GRAMD1A: variants seen among roughly 807,000 people sequenced by gnomAD.
GRAMD1A encodes the protein protein Aster-A.
GRAMD1A carries 50 observed loss-of-function variants against 92.0 expected under a neutral mutation model. The ratio of observed to expected loss-of-function variants is 0.54; its 90% CI spans 0.43 to 0.69. GRAMD1A has a LOEUF of 0.69. GRAMD1A is among the 30% of genes least tolerant of loss of function. The probability of loss-of-function intolerance (pLI) is 0.00; values close to 1 mark genes in which losing one functional copy is unlikely to be tolerated. For synonymous variants in GRAMD1A, 405 were observed against 403.6 expected, an observed-to-expected ratio of 1.00 and a Z score of -0.04; for missense variants, 819 against 978.9, an observed-to-expected ratio of 0.84 and a Z score of 2.18.
chr19:35,021,788 G>C lies in GRAMD1A; in HGVS notation c.1677G>C (p.Leu559=), dbSNP rs767835894. Residue 559 remains leucine (L), a synonymous_variant, in exon 15 of 20, where the codon CTG becomes CTC. Transcript: ENST00000317991. The surrounding 1 kb of genome is among the most constrained non-coding windows in gnomAD (Gnocchi z 5.3). The part of the protein sequence containing the change: ...LSGLRRRKRP[L]SWRAHGDGPQ... ...GCCTGCGGCGGCGGAAGCGGCCCCT[G>C]AGCTGGCGGGCTCACGGGGACGGGC... is the stretch of plus-strand genomic sequence containing the variant. 1.4e-5 allele frequency: 23 copies of C among 1,611,634 alleles called. 1 individual carries two copies. The South Asian group carries it at 2.5e-4, about 18-fold the overall frequency.
At chr19:35,020,007 A>G (rs1261526681) in intron 13 of GRAMD1A, among the ~76,000 whole-genome samples, 1 of 151,252 alleles carries the variant, frequency 6.6e-6, no homozygotes, top group Non-Finnish European at 1.5e-5. Flanking sequence ...AGAGCAACTC[A>G]TTTGGGACAG....
intron 10 of GRAMD1A, 73 bp from the exon 11 acceptor site, chr19:35,015,751 G>C (rs1377076311): frequency 3.4e-6 from 5 of 1,459,912 alleles, no homozygotes; most frequent in Non-Finnish European, 4.7e-6. Flanking sequence ...AGGCCTGGGA[G>C]TGGGGAGGCG....
In GRAMD1A at chr19:35,023,362, G is replaced by A. The variant is rs1319695021; in HGVS notation, c.1961+19G>A. 3.1e-6 allele frequency: 5 copies of A among 1,613,980 alleles called. No individual in the cohort carries two copies. Among genetic ancestry groups the A allele is most frequent in the East Asian group, 2.2e-5 (1 of 44,878 alleles). Reference sequence around the variant, plus strand: ...CCAAGGGGTGAGTGGGTAGCCTGGGGAAATGGGGGGGCTTGGGCACATCGG... The same window carrying A: ...CCAAGGGGTGAGTGGGTAGCCTGGGAAAATGGGGGGGCTTGGGCACATCGG... On this transcript the variant is annotated intron_variant, in intron 18 of 19. Transcript: ENST00000317991.
intron 6 of GRAMD1A, among the ~76,000 whole-genome samples, chr19:35,010,986 TACTC>T (rs1344212762): frequency 6.7e-5 from 10 of 149,784 alleles, no homozygotes; most frequent in African/African-American, 2.0e-4. Context: ...TAGTCCCAGC[TACTC>T]ACTCAGGAGG....
intron 11 of GRAMD1A, 63 bp downstream of exon 11, chr19:35,016,030 T>C: frequency 6.4e-7 from 1 of 1,561,522 alleles, no homozygotes; most frequent in Non-Finnish European, 8.7e-7. Context: ...TGAGGAAGGG[T>C]AGCCCAGGAC....
At chr19:35,014,150 A>T (rs1475251086) in intron 9 of GRAMD1A, 39 bp from the exon 10 acceptor site, 1 of 1,574,084 alleles carries the variant, frequency 6.4e-7, no homozygotes, top group African/African-American at 1.3e-5. Context: ...TGGGGCTGGG[A>T]TGGAGGTGGC....
intron 1 of GRAMD1A, among the ~76,000 whole-genome samples, chr19:35,003,814 A>G (rs2014598454): frequency 6.6e-6 from 1 of 152,246 alleles, no homozygotes; most frequent in Admixed American, 6.5e-5. Context: ...TGCCAGGCTC[A>G]GTCCTGTCCC....
In GRAMD1A at chr19:35,023,240, A is replaced by G. The variant is rs1205652973; in HGVS notation, c.1858A>G (p.Ile620Val). 6.2e-7 allele frequency: 1 copy of G among 1,613,328 alleles called. No individual in the cohort carries two copies. Among genetic ancestry groups the G allele is most frequent in the East Asian group, 2.2e-5 (1 of 44,860 alleles). ...ACCTCTGACCCCTGTCCCCAGCCTT[A>G]TCATCCTCATCGCCCTCAACGTCCT... ...LISIVICVSLIILIALNVLLF... is the reference protein window; with the variant it reads ...LISIVICVSLVILIALNVLLF... Residue 620 changes from isoleucine to valine, a missense_variant, in exon 18 of 20, where the codon ATC becomes GTC. Ile to Val is a conservative substitution (Grantham distance 29). This residue lies in a region of GRAMD1A where 577 missense variants were observed against 674.6 expected (regional missense o/e 0.86). Coordinates refer to ENST00000317991, the MANE Select transcript of GRAMD1A (RefSeq NM_020895.5).
chr19:35,004,289 A>C (rs1485068378), intron 1 of GRAMD1A, among the ~76,000 whole-genome samples: 2 of 152,002 alleles, frequency 1.3e-5, no homozygotes, highest in Non-Finnish European at 2.9e-5. Context: ...TGTCTCTAAA[A>C]AAAATTTAAA....
chr19:35,001,027 G>C (rs1019268828), intron 1 of GRAMD1A: 1 of 152,352 alleles, frequency 6.6e-6, no homozygotes, highest in African/African-American at 2.4e-5. Context: ...CCAGGACCGC[G>C]TGCTTGAGGT....
Position 35,021,730 on chromosome 19 carries a change from A to G in GRAMD1A, c.1619A>G (p.Glu540Gly). 1 of 1,613,978 alleles carries G rather than the reference A, an allele frequency of 6.2e-7. No individual in the cohort carries two copies. Among genetic ancestry groups the G allele is most frequent in the Non-Finnish European group, 8.5e-7 (1 of 1,180,008 alleles). The change falls in exon 15 of 20, where the codon GAA becomes GGA. Residue 540 changes from glutamate (E) to glycine (G), a missense_variant. This residue lies in a region of GRAMD1A where 577 missense variants were observed against 674.6 expected (regional missense o/e 0.86). Transcript: ENST00000317991. The surrounding 1 kb of genome is among the most constrained non-coding windows in gnomAD (Gnocchi z 5.3). ...LAKAEKLSLE[E>G]GGKDARGLLS... ...AAGGCTGAGAAGCTGTCTCTGGAGG[A>G]AGGCGGGAAGGATGCCCGGGGCTTG...
Position 35,021,713 on chromosome 19 carries a change from G to A in GRAMD1A, c.1602G>A (p.Glu534=). The A allele has an allele frequency of 4.3e-6, 7 of 1,614,070 alleles. No homozygotes were observed. Among genetic ancestry groups the A allele is most frequent in the Non-Finnish European group, 5.9e-6 (7 of 1,180,014 alleles). ...CAGAGCGAGAGCTCGCCAAGGCTGA[G>A]AAGCTGTCTCTGGAGGAAGGCGGGA... ...HHLERELAKA[E]KLSLEEGGKD... is the part of the protein sequence containing the mutation. The change falls in exon 15 of 20, where the codon GAG becomes GAA. Residue 534 remains glutamate, a synonymous_variant. Coordinates refer to ENST00000317991, the MANE Select transcript of GRAMD1A (RefSeq NM_020895.5). This position sits in a 1 kb window ranked among gnomAD's most constrained non-coding sequence, Gnocchi z 5.3.
At chr19:34,996,270 C>T (rs117641738), upstream of GRAMD1A, 588 of 1,533,126 alleles carry the variant, frequency 3.8e-4, 3 homozygotes, top group East Asian at 0.012. Flanking sequence ...ATGCCAGACC[C>T]GCAGAGTCTG....
upstream of GRAMD1A, among the ~76,000 whole-genome samples, chr19:34,998,812 G>C (rs2014154196): frequency 6.6e-6 from 1 of 151,072 alleles, no homozygotes; most frequent in African/African-American, 2.4e-5. Context: ...GCGATAGGGG[G>C]GGTGCTGTCC....
intron 6 of GRAMD1A, among the ~76,000 whole-genome samples, 158 bp from the exon 7 acceptor site, chr19:35,011,316 C>T (rs540195497): frequency 2.0e-5 from 3 of 152,116 alleles, no homozygotes; most frequent in Non-Finnish European, 4.4e-5. Flanking sequence ...CAGGGCCGGG[C>T]GCAGGACAGA....
chr19:35,018,426 A>G (rs1257814765), intron 11 of GRAMD1A, among the ~76,000 whole-genome samples: 1 of 152,166 alleles, frequency 6.6e-6, no homozygotes, highest in African/African-American at 2.4e-5. Context: ...GCAGCAAACC[A>G]TGAGGGATCC....
chr19:35,012,958 G>A (rs2015344580), intron 7 of GRAMD1A: 1 of 332,702 alleles, frequency 3.0e-6, no homozygotes, highest in Admixed American at 4.0e-5. Context: ...CTGAGCGACA[G>A]AGCCAGACTC....
upstream of GRAMD1A, among the ~76,000 whole-genome samples, chr19:34,996,465 G>A (rs949807508): frequency 3.3e-5 from 5 of 152,200 alleles, no homozygotes; most frequent in Admixed American, 6.5e-5. Flanking sequence ...GAGGGTGTGC[G>A]TTGGGACAAC....
At chr19:35,016,073 C>T (rs1158692589) in intron 11 of GRAMD1A, 106 bp downstream of exon 11, 13 of 1,247,396 alleles carry the variant, frequency 1.0e-5, no homozygotes, top group African/African-American at 1.5e-5. Flanking sequence ...TGGGGCAAGG[C>T]GAGGTGGTGA....
Sources: allele counts gnomAD v4.1 joint callset (sites outside exome capture counted in the v4.1 genomes callset), GRCh38; gene constraint gnomAD v4.1.1; regional missense constraint gnomAD v4.1.1; non-coding constraint Gnocchi (gnomAD v3.1); transcripts MANE v1.5; gene names NCBI Gene and HGNC (gene_info 2026-07-23, HGNC 2026-07-21).